Variants in ADGRG6 observed in about 807,000 individuals in gnomAD.
ADGRG6 encodes adhesion G protein-coupled receptor G6.
Under a neutral mutation model 142.4 loss-of-function variants are expected in ADGRG6, and 84 were observed. The observed-to-expected ratio is 0.59, with a 90% CI of 0.49 to 0.71. ADGRG6 has a LOEUF of 0.71. Ranked by LOEUF, ADGRG6 falls within the 30% of genes least tolerant of loss-of-function variation. The pLI is 0.00. For synonymous variants in ADGRG6, 521 were observed against 520.5 expected (o/e 1.00, Z -0.01); for missense variants, 1,367 against 1,466.6 (o/e 0.93, Z 1.11).
At chr6:142,342,967 T>C (rs2114731376) in intron 2 of ADGRG6, among the ~76,000 whole-genome samples, 1 of 151,934 alleles carries the variant, frequency 6.6e-6, no homozygotes, top group East Asian at 1.9e-4. Context: ...CTTGCAGATA[T>C]ACATGAATGG....
At chr6:142,390,102 TAGA>T (rs1774810616) in intron 6 of ADGRG6, among the ~76,000 whole-genome samples, 153 bp from the exon 7 acceptor site, 1 of 151,866 alleles carries the variant, frequency 6.6e-6, no homozygotes, top group Non-Finnish European at 1.5e-5. Flanking sequence ...TTTGCCTATG[TAGA>T]AGGTGTTTCT....
At chr6:142,338,022 T>TTTTTTTTTTTTTTTTTTG (rs1779418226) in intron 2 of ADGRG6, among the ~76,000 whole-genome samples, 1 of 32,584 alleles carries the variant, frequency 3.1e-5, no homozygotes, top group South Asian at 1.2e-3. Context: ...TCTTTGTTTT[T>TTTTTTTTTTTTTTTTTTG]TTTTTTTTTT....
intron 22 of ADGRG6, among the ~76,000 whole-genome samples, chr6:142,425,132 CT>C (rs1776876967): frequency 6.6e-6 from 1 of 152,158 alleles, no homozygotes; most frequent in African/African-American, 2.4e-5. Flanking sequence ...CCAGAAGGCT[CT>C]GTATTTCAAT....
At position 142,392,966 on chromosome 6, in the gene ADGRG6, A is replaced by G. The variant is rs1774978007; in HGVS notation, c.1327A>G (p.Asn443Asp). 1 of 1,599,096 alleles carries G rather than the reference A, an allele frequency of 6.3e-7. No individual in the cohort carries two copies. Among genetic ancestry groups the G allele is most frequent in the South Asian group, 1.1e-5 (1 of 90,656 alleles). The change falls in exon 8 of 25, where the codon AAT becomes GAT. Residue 443 changes from asparagine (N) to aspartate (D), a missense_variant. Around this residue, in one of 3 missense-constraint regions of ADGRG6, gnomAD observed 737 missense variants for 746.5 expected, o/e 0.99. Transcript: ENST00000367609. ...VAEWLNSTFQ[N>D]WNYTVYVVNI... ...TTTCCAGCTCAATTCAACCTTCCAAAATTGGAACTACACGGTTTATGTCGT... is the reference window on the plus strand; with the variant it reads ...TTTCCAGCTCAATTCAACCTTCCAAGATTGGAACTACACGGTTTATGTCGT...
intron 22 of ADGRG6, among the ~76,000 whole-genome samples, chr6:142,427,563 C>T (rs1446313193): frequency 6.6e-6 from 1 of 152,138 alleles, no homozygotes; most frequent in Non-Finnish European, 1.5e-5. Context: ...TGTCTGTTAC[C>T]CAGTTCCCAA....
intron 2 of ADGRG6, among the ~76,000 whole-genome samples, chr6:142,318,249 TTATA>T (rs1371378366): frequency 2.9e-5 from 2 of 67,838 alleles, no homozygotes; most frequent in African/African-American, 6.6e-5. Context: ...TATTTATATA[TTATA>T]TATATTTATT....
intron 2 of ADGRG6, among the ~76,000 whole-genome samples, chr6:142,353,096 T>C (rs1323494389): frequency 6.6e-6 from 1 of 152,200 alleles, no homozygotes; most frequent in Non-Finnish European, 1.5e-5. Flanking sequence ...CTTGGAGATA[T>C]ACACTTGCTG....
intron 2 of ADGRG6, among the ~76,000 whole-genome samples, chr6:142,329,939 A>T (rs1356665206): frequency 6.6e-6 from 1 of 151,860 alleles, no homozygotes; most frequent in Admixed American, 6.6e-5. Context: ...GATGAACTTC[A>T]CTCTCCACTG....
chr6:142,326,779 T>C (rs979441499), intron 2 of ADGRG6, among the ~76,000 whole-genome samples: 1 of 152,086 alleles, frequency 6.6e-6, no homozygotes, highest in Non-Finnish European at 1.5e-5. Flanking sequence ...TCATGTTAAG[T>C]GAGGGTTAAG....
chr6:142,311,338 G>T (rs555107889), intron 2 of ADGRG6, among the ~76,000 whole-genome samples: 1 of 151,850 alleles, frequency 6.6e-6, no homozygotes. Context: ...CACTTTTGAG[G>T]CCAGAACATT....
chr6:142,404,937 C>G (rs150491821), intron 14 of ADGRG6, among the ~76,000 whole-genome samples: 7 of 152,236 alleles, frequency 4.6e-5, no homozygotes, highest in Non-Finnish European at 8.8e-5. Flanking sequence ...TTTTCAAGTT[C>G]CTACTACATG....
At chr6:142,379,660 G>A (rs1019437387) in intron 4 of ADGRG6, among the ~76,000 whole-genome samples, 1 of 152,080 alleles carries the variant, frequency 6.6e-6, no homozygotes, top group African/African-American at 2.4e-5. Context: ...CCAGCTACTC[G>A]GGAGGCTGAG....
intron 4 of ADGRG6, among the ~76,000 whole-genome samples, chr6:142,376,135 ACCC>A (rs1781485365): frequency 6.6e-6 from 1 of 152,120 alleles, no homozygotes; most frequent in South Asian, 2.1e-4. Flanking sequence ...CAGTTTTATG[ACCC>A]TCATGGATAG....
intron 2 of ADGRG6, among the ~76,000 whole-genome samples, chr6:142,363,893 G>T (rs1427552086): frequency 1.3e-5 from 2 of 151,884 alleles, no homozygotes; most frequent in Admixed American, 1.3e-4. Context: ...CTTAAAATAG[G>T]TTTATTTTAG....
intron 6 of ADGRG6, among the ~76,000 whole-genome samples, chr6:142,389,039 C>T (rs1035891699): frequency 2.3e-4 from 35 of 151,992 alleles, no homozygotes; most frequent in African/African-American, 4.6e-4. Flanking sequence ...TTAAAATACC[C>T]GAAGAATTTT....
intron 4 of ADGRG6, among the ~76,000 whole-genome samples, chr6:142,371,990 A>AT (rs953333093): frequency 7.9e-5 from 12 of 151,994 alleles, no homozygotes; most frequent in East Asian, 1.9e-4. Flanking sequence ...ATTTTTCTCC[A>AT]TTTTTTTTAA....
chr6:142,368,476 C>G (rs1034602314), intron 3 of ADGRG6, among the ~76,000 whole-genome samples: 3 of 151,826 alleles, frequency 2.0e-5, no homozygotes, highest in African/African-American at 7.2e-5. Flanking sequence ...TTTAAATAAT[C>G]TTTCTCTCTA....
chr6:142,337,842 C>G (rs986441871), intron 2 of ADGRG6, among the ~76,000 whole-genome samples: 1 of 151,440 alleles, frequency 6.6e-6, no homozygotes, highest in African/African-American at 2.4e-5. Flanking sequence ...CTATACTGAT[C>G]TTGATAGGGA....
chr6:142,317,045 G>A (rs934845958), intron 2 of ADGRG6, among the ~76,000 whole-genome samples: 14 of 152,032 alleles, frequency 9.2e-5, no homozygotes, highest in African/African-American at 3.4e-4. Flanking sequence ...TTTCAATACT[G>A]CTGATAACCT....
Sources: gnomAD v4.1 joint callset for allele counts (sites outside exome capture counted in the v4.1 genomes callset) on GRCh38, gnomAD v4.1.1 for gene constraint, gnomAD v4.1.1 regional missense constraint, MANE v1.5 for transcripts, NCBI Gene and HGNC (gene_info 2026-07-23, HGNC 2026-07-21) for gene names.